Variants in TMC5 observed in about 807,000 individuals in gnomAD.
TMC5 encodes the protein transmembrane channel-like protein 5.
In TMC5, 86 loss-of-function variants were observed where a neutral mutation model predicts 110.5. The ratio of observed to expected loss-of-function variants is 0.78; its 90% CI spans 0.65 to 0.93. The LOEUF (loss-of-function observed/expected upper bound fraction) is 0.93, where lower values mean the gene tolerates loss of function less well. Ranked by LOEUF, TMC5 falls within the 40% of genes least tolerant of loss-of-function variation. TMC5 has a pLI of 0.00. For synonymous variants in TMC5, 455 were observed against 439.5 expected (o/e 1.04, Z -0.44); for missense variants, 1,144 against 1,222.8 (o/e 0.94, Z 0.96).
At chr16:19,458,868 C>T (rs1250971553) in intron 5 of TMC5, among the ~76,000 whole-genome samples, 2 of 152,152 alleles carry the variant, frequency 1.3e-5, no homozygotes, top group South Asian at 2.1e-4. Flanking sequence ...GCCATTCTAA[C>T]CCTGTGCTGT....
intron 4 of TMC5, among the ~76,000 whole-genome samples, chr16:19,446,858 C>T (rs945654725): frequency 7.9e-5 from 12 of 152,152 alleles, no homozygotes; most frequent in African/African-American, 2.7e-4. Flanking sequence ...AAGTTTGCAG[C>T]CCTTGGCAAT....
intron 9 of TMC5, among the ~76,000 whole-genome samples, chr16:19,468,143 T>A (rs1597199177): frequency 6.6e-6 from 1 of 151,922 alleles, no homozygotes; most frequent in East Asian, 1.9e-4. Context: ...CCCAGCTAAT[T>A]TTTCTATTTT....
At chr16:19,456,743 C>A (rs199633941) in intron 5 of TMC5, 87 of 1,613,264 alleles carry the variant, frequency 5.4e-5, no homozygotes, top group Non-Finnish European at 7.2e-5. Context: ...AATCATCATA[C>A]AGGTTGAGAA....
In TMC5 at chr16:19,417,892, C is replaced by G. The variant is rs142799648; in HGVS notation, c.-508C>G. On this transcript the variant is annotated 5_prime_UTR_variant, in exon 1 of 22. Coordinates refer to ENST00000542583, the MANE Select transcript of TMC5 (RefSeq NM_001261841.2). ...TGAGCTCAGTAAACAACCCCCTTCC[C>G]GTGATCTTCGTGGCTTCCCGCCCAG... The G allele has an allele frequency of 1.3e-5, 2 of 152,194 alleles. No homozygotes were observed. The highest frequency in any genetic ancestry group is 2.9e-5 in the Non-Finnish European group (2 of 68,050). 9.4% of individuals were successfully genotyped at this position (152,194 alleles called of 1,614,324 possible).
intron 4 of TMC5, among the ~76,000 whole-genome samples, chr16:19,448,149 CAAAA>C (rs36050231): frequency 1.3e-5 from 1 of 76,426 alleles, no homozygotes. Context: ...GAGCAAGTCT[CAAAA>C]AAAAAAAAAA....
intron 1 of TMC5, among the ~76,000 whole-genome samples, chr16:19,421,389 A>G (rs921569544): frequency 1.3e-5 from 2 of 152,152 alleles, no homozygotes; most frequent in African/African-American, 4.8e-5. Flanking sequence ...TGCTGTTCTC[A>G]TGGGAACACG....
At position 19,494,303 on chromosome 16, in the gene TMC5, G is replaced by C. The variant is rs559836452; in HGVS notation, c.2868G>C (p.Lys956Asn). ...DKMFLIEKLI[K>N]LQDMEKKANP... ...TGTTCCTGATAGAAAAATTGATCAAGCTGCAGGATATGGAGAAGAAAGCAA... is the reference window on the plus strand; with the variant it reads ...TGTTCCTGATAGAAAAATTGATCAACCTGCAGGATATGGAGAAGAAAGCAA... Residue 956 changes from lysine (K) to asparagine (N), a missense_variant, in exon 20 of 22, where the codon AAG becomes AAC. Lys to Asn is a moderately conservative substitution (Grantham distance 94). Coordinates refer to ENST00000542583, the MANE Select transcript of TMC5 (RefSeq NM_001261841.2). The C allele has an allele frequency of 7.9e-5, 128 of 1,613,474 alleles. 1 individual carries two copies. The South Asian group carries it at 1.3e-3, about 16-fold the overall frequency.
At chr16:19,467,039 G>T (rs375106669) in intron 9 of TMC5, among the ~76,000 whole-genome samples, 4 of 151,960 alleles carry the variant, frequency 2.6e-5, no homozygotes, top group African/African-American at 9.7e-5. Flanking sequence ...CCAGCTATTC[G>T]GGAGGCTGAG....
At chr16:19,491,596 C>T (rs553291591) in intron 18 of TMC5, among the ~76,000 whole-genome samples, 84 of 144,616 alleles carry the variant, frequency 5.8e-4, no homozygotes, top group South Asian at 3.3e-3. Flanking sequence ...AGTGCACTGG[C>T]GCGATCTCAG....
At chr16:19,411,456 T>C (rs1218355439) in intron 1 of TMC5, 2 of 152,176 alleles carry the variant, frequency 1.3e-5, no homozygotes, top group Non-Finnish European at 2.9e-5. Context: ...CCTTGGGAGA[T>C]CCAGTTTCAG....
chr16:19,463,180 G>A (rs573059077), intron 6 of TMC5, 100 bp from the exon 7 acceptor site: 22 of 890,642 alleles, frequency 2.5e-5, no homozygotes, highest in South Asian at 2.2e-4. Flanking sequence ...CTCAGCTTCC[G>A]AAGTGTTGGG....
At chr16:19,496,020 TGTG>T (rs140854175) in intron 20 of TMC5, among the ~76,000 whole-genome samples, 583 of 151,964 alleles carry the variant, frequency 3.8e-3, no homozygotes, top group African/African-American at 0.013. Context: ...AGCTGGGTGT[TGTG>T]GTGCACATCT....
At chr16:19,437,623 A>G (rs546805179) in intron 2 of TMC5, among the ~76,000 whole-genome samples, 7 of 152,322 alleles carry the variant, frequency 4.6e-5, no homozygotes, top group African/African-American at 1.4e-4. Context: ...AGCTTTAAAA[A>G]TGTTCTACTT....
intron 17 of TMC5, among the ~76,000 whole-genome samples, chr16:19,489,061 G>C (rs1174226405): frequency 6.8e-6 from 1 of 148,024 alleles, no homozygotes; most frequent in Non-Finnish European, 1.5e-5. Flanking sequence ...CAACGCCCTT[G>C]CTCCTCTTGG....
chr16:19,491,441 G>C (rs534257238), intron 18 of TMC5, among the ~76,000 whole-genome samples: 6 of 151,772 alleles, frequency 4.0e-5, no homozygotes, highest in Admixed American at 3.9e-4. Flanking sequence ...TTCTCTGATC[G>C]TGCCACTGCA....
chr16:19,448,766 AT>A (rs891695435), intron 4 of TMC5, among the ~76,000 whole-genome samples: 6 of 144,020 alleles, frequency 4.2e-5, no homozygotes, highest in Non-Finnish European at 6.0e-5. Flanking sequence ...CATGTAACAT[AT>A]AAAAATAAAT....
At position 19,425,093 on chromosome 16, in the gene TMC5, A is replaced by G. The variant is rs143426756; in HGVS notation, c.-307-5320A>G. Among the ~76,000 whole-genome samples, 588 of 152,346 alleles carry G rather than the reference A, an allele frequency of 3.9e-3. 3 individuals carry two copies. Among genetic ancestry groups the G allele is most frequent in the African/African-American group, 0.014 (562 of 41,576 alleles). On this transcript the variant is annotated intron_variant, in intron 1 of 21. Transcript: ENST00000542583. ...AGAACAAAAGACACTCCCATCACCTAAGAAATTCCAACGTTTTAGGAGCCT... is the reference window on the plus strand; with the variant it reads ...AGAACAAAAGACACTCCCATCACCTGAGAAATTCCAACGTTTTAGGAGCCT...
intron 17 of TMC5, among the ~76,000 whole-genome samples, chr16:19,488,155 T>C (rs934129243): frequency 1.3e-5 from 2 of 152,062 alleles, no homozygotes; most frequent in Non-Finnish European, 2.9e-5. Context: ...AGGTGTGCTT[T>C]GTAAGCTAGC....
intron 2 of TMC5, among the ~76,000 whole-genome samples, chr16:19,434,333 ATAATATATATTATAT>A (rs1967282113): frequency 8.0e-6 from 1 of 124,546 alleles, no homozygotes; most frequent in African/African-American, 3.0e-5. Flanking sequence ...AGATCTATAT[ATAATATATATTATAT>A]GATCTATATT....
Sources: gnomAD v4.1 joint callset for allele counts (sites outside exome capture counted in the v4.1 genomes callset) on GRCh38, gnomAD v4.1.1 for gene constraint, MANE v1.5 for transcripts, NCBI Gene and HGNC (gene_info 2026-07-23, HGNC 2026-07-21) for gene names.